Variants in FHIT observed in about 807,000 individuals in gnomAD.
The protein encoded by FHIT is fragile histidine triad diadenosine triphosphatase, also known as bis(5'-adenosyl)-triphosphatase.
In FHIT, 19 loss-of-function variants were observed where a neutral mutation model predicts 17.9. The ratio of observed to expected loss-of-function variants is 1.06; its 90% CI spans 0.74 to 1.56. The LOEUF (loss-of-function observed/expected upper bound fraction) is 1.56, where lower values mean the gene tolerates loss of function less well. Ranked by LOEUF, FHIT falls within the 40% of genes most tolerant of loss-of-function variation. The pLI, the probability that FHIT is intolerant of heterozygous loss-of-function variation, is 0.00. For synonymous variants in FHIT, 81 were observed against 69.7 expected, an observed-to-expected ratio of 1.16 and a Z score of -0.81; for missense variants, 248 against 189.2, an observed-to-expected ratio of 1.31 and a Z score of -1.82.
chr3:61,188,934 A>T (rs2107199670), intron 2 of FHIT, among the ~76,000 whole-genome samples: 1 of 152,114 alleles, frequency 6.6e-6, no homozygotes, highest in South Asian at 2.1e-4. Context: ...GACATATCTC[A>T]AAATAATAAG....
chr3:60,799,564 G>A (rs996917791), intron 4 of FHIT, among the ~76,000 whole-genome samples: 1 of 152,142 alleles, frequency 6.6e-6, no homozygotes, highest in African/African-American at 2.4e-5. Flanking sequence ...TCCTTGCCCA[G>A]TATTATCTGG....
At chr3:60,510,313 T>C (rs1021469937) in intron 5 of FHIT, among the ~76,000 whole-genome samples, 3 of 152,210 alleles carry the variant, frequency 2.0e-5, no homozygotes, top group African/African-American at 7.2e-5. Context: ...ATTTCACATA[T>C]TCTGCAAGCC....
At chr3:61,098,475 G>A (rs2106839204) in intron 2 of FHIT, among the ~76,000 whole-genome samples, 1 of 152,228 alleles carries the variant, frequency 6.6e-6, no homozygotes. Flanking sequence ...TTTGTTTCTA[G>A]TTCCGTGAAG....
intron 3 of FHIT, among the ~76,000 whole-genome samples, chr3:60,955,806 A>G (rs1166843763): frequency 6.6e-6 from 1 of 151,878 alleles, no homozygotes; most frequent in Non-Finnish European, 1.5e-5. Flanking sequence ...AGTAGATGGT[A>G]ATGTTACAGT....
intron 5 of FHIT, among the ~76,000 whole-genome samples, chr3:60,151,796 A>G (rs1048541419): frequency 2.6e-5 from 4 of 152,106 alleles, no homozygotes; most frequent in African/African-American, 9.7e-5. Flanking sequence ...CACCAATCTC[A>G]TATCTTCAAA....
At chr3:60,295,156 G>A (rs1708151838) in intron 5 of FHIT, among the ~76,000 whole-genome samples, 1 of 152,070 alleles carries the variant, frequency 6.6e-6, no homozygotes. Context: ...AGGCTGAGGT[G>A]AAAAGATCTG....
intron 4 of FHIT, among the ~76,000 whole-genome samples, chr3:60,550,071 G>C (rs369028087): frequency 6.6e-5 from 10 of 152,118 alleles, no homozygotes; most frequent in African/African-American, 2.4e-4. Flanking sequence ...TGTTAACCAA[G>C]AATGTAAATG....
At chr3:60,962,307 T>C (rs1296797051) in intron 3 of FHIT, among the ~76,000 whole-genome samples, 5 of 152,238 alleles carry the variant, frequency 3.3e-5, no homozygotes, top group Admixed American at 3.3e-4. Flanking sequence ...CTGAAGTTGC[T>C]TATCAGCTTA....
intron 4 of FHIT, among the ~76,000 whole-genome samples, chr3:60,683,107 G>GGTA (rs2040788910): frequency 6.6e-6 from 1 of 152,146 alleles, no homozygotes; most frequent in African/African-American, 2.4e-5. Context: ...TGCTTCTTAC[G>GGTA]GGTAAGCAAA....
chr3:59,792,422 G>A (rs1352273543), intron 8 of FHIT, among the ~76,000 whole-genome samples: 4 of 152,172 alleles, frequency 2.6e-5, no homozygotes, highest in African/African-American at 9.7e-5. Flanking sequence ...CACCCTCACT[G>A]TGATCTGAAA....
At chr3:60,458,971 A>T (rs1420219425) in intron 5 of FHIT, among the ~76,000 whole-genome samples, 1 of 151,710 alleles carries the variant, frequency 6.6e-6, no homozygotes, top group East Asian at 1.9e-4. Flanking sequence ...TTTTAGAAAC[A>T]AAGTCTCACT....
At chr3:59,750,698 G>C (rs977342730) in intron 9 of FHIT, 1 of 217,044 alleles carries the variant, frequency 4.6e-6, no homozygotes, top group African/African-American at 2.3e-5. Context: ...CAACAATAGG[G>C]GGCAAGGTAG....
intron 7 of FHIT, among the ~76,000 whole-genome samples, chr3:59,928,899 G>A (rs1249403908): frequency 6.8e-6 from 1 of 147,662 alleles, no homozygotes; most frequent in African/African-American, 2.5e-5. Context: ...GGAGGCTGAG[G>A]TAGGAGAATC....
Position 60,610,639 on chromosome 3 carries a change from T to C in FHIT, c.-17-73660A>G, listed in dbSNP as rs568241034. On this transcript the variant is annotated intron_variant, in intron 4 of 9. Coordinates refer to ENST00000492590, the MANE Select transcript of FHIT (RefSeq NM_002012.4). ...CATGAAAAATTATTAAGTACCCACA[T>C]ACTGCCTGCCTGAAAGGACTCAGAC... Among the ~76,000 whole-genome samples, 5 of 152,316 alleles carry C rather than the reference T, an allele frequency of 3.3e-5. No individual in the cohort carries two copies. In the East Asian group the frequency reaches 9.6e-4, roughly 29 times the overall value.
intron 4 of FHIT, among the ~76,000 whole-genome samples, chr3:60,624,147 G>C (rs1559592469): frequency 6.6e-6 from 1 of 152,164 alleles, no homozygotes. Flanking sequence ...AGAAGAAATG[G>C]TAGAGCCAGT....
At position 60,544,350 on chromosome 3, in the gene FHIT, A is replaced by G. The variant is rs540662484; in HGVS notation, c.-17-7371T>C. 1.7e-3 allele frequency among the ~76,000 whole-genome samples: 254 copies of G among 151,938 alleles called. 2 individuals are homozygous for G. The highest frequency in any genetic ancestry group is 5.7e-3 in the African/African-American group (237 of 41,450). On this transcript the variant is annotated intron_variant, in intron 4 of 9. Coordinates refer to ENST00000492590, the MANE Select transcript of FHIT (RefSeq NM_002012.4). ...TATTTCAAGTTTTCTAAGGGTTGAT[A>G]CCTTTTTTTAAAAAAAATTGGTTTT...
In FHIT at chr3:60,183,935, A is replaced by G. The variant is rs141534530; in HGVS notation, c.104-169783T>C. ...CTATTATTAGCAACTTCCATATATG[A>G]TAGAGTTGTTACAATCACTGAACTA... On this transcript the variant is annotated intron_variant, in intron 5 of 9. Coordinates refer to ENST00000492590, the MANE Select transcript of FHIT (RefSeq NM_002012.4). 6.7e-3 allele frequency among the ~76,000 whole-genome samples: 1,017 copies of G among 152,172 alleles called. 10 individuals are homozygous for G. The highest frequency in any genetic ancestry group is 0.023 in the African/African-American group (970 of 41,544).
At chr3:60,901,114 A>G (rs555734855) in intron 3 of FHIT, among the ~76,000 whole-genome samples, 1 of 152,338 alleles carries the variant, frequency 6.6e-6, no homozygotes, top group South Asian at 2.1e-4. Context: ...ATGATTTTTA[A>G]TTAAACAATT....
chr3:60,750,803 T>C (rs1553716611), intron 4 of FHIT, among the ~76,000 whole-genome samples: 1 of 152,188 alleles, frequency 6.6e-6, no homozygotes, highest in Non-Finnish European at 1.5e-5. Context: ...CCAGGCATGG[T>C]TCCTGCTTAT....
Sources: allele counts gnomAD v4.1 joint callset (sites outside exome capture counted in the v4.1 genomes callset), GRCh38; gene constraint gnomAD v4.1.1; transcripts MANE v1.5; gene names NCBI Gene and HGNC (gene_info 2026-07-23, HGNC 2026-07-21).